CSMD1: variants seen among roughly 807,000 people sequenced by gnomAD.
CSMD1 encodes CUB and sushi domain-containing protein 1.
A neutral mutation model predicts 417.5 loss-of-function variants in CSMD1; 213 were observed. The ratio of observed to expected loss-of-function variants is 0.51; its 90% CI spans 0.46 to 0.57. CSMD1 has a LOEUF of 0.57. Among genes scored for constraint, CSMD1 ranks in the 20% least tolerant of loss-of-function variants. CSMD1 has a pLI of 0.00. For missense variants in CSMD1, 6,923 were observed against 4,529.7 expected, an observed-to-expected ratio of 1.53 and a Z score of -15.17; for synonymous variants, 2,862 against 1,736.8, an observed-to-expected ratio of 1.65 and a Z score of -16.11.
intron 51 of CSMD1, among the ~76,000 whole-genome samples, chr8:3,027,291 T>A (rs1810003329): frequency 6.6e-6 from 1 of 152,178 alleles, no homozygotes; most frequent in Non-Finnish European, 1.5e-5. Context: ...GTGGAATTGG[T>A]TCTCTGATAC....
At chr8:3,925,467 A>G (rs1032324796) in intron 5 of CSMD1, among the ~76,000 whole-genome samples, 1 of 152,198 alleles carries the variant, frequency 6.6e-6, no homozygotes, top group Non-Finnish European at 1.5e-5. Context: ...TCAAAAGATA[A>G]CGTTCATAAT....
chr8:3,303,905 C>A (rs925694013), intron 25 of CSMD1, among the ~76,000 whole-genome samples: 1 of 151,592 alleles, frequency 6.6e-6, no homozygotes, highest in Non-Finnish European at 1.5e-5. Context: ...TTCTTCCAGA[C>A]CCAAGTGCCC....
chr8:4,101,357 T>C (rs532804414), intron 3 of CSMD1, among the ~76,000 whole-genome samples: 17 of 152,222 alleles, frequency 1.1e-4, no homozygotes, highest in African/African-American at 4.1e-4. Flanking sequence ...CCCTAACCAA[T>C]ACCACATTCC....
At position 3,976,469 on chromosome 8, in the gene CSMD1, G is replaced by A. The variant is rs75488204; in HGVS notation, c.818+21434C>T. Among the ~76,000 whole-genome samples the A allele has an allele frequency of 1.7e-3, 252 of 152,226 alleles. 1 individual carries two copies. The highest frequency in any genetic ancestry group is 5.8e-3 in the African/African-American group (239 of 41,542). On this transcript the variant is annotated intron_variant, in intron 5 of 69. Coordinates refer to ENST00000635120, the MANE Select transcript of CSMD1 (RefSeq NM_033225.6). ...GTTTATTAATTCAGCTGTCTCCCGG[G>A]TCTAGAAGTGTGACTAACACATAAC...
At chr8:3,855,686 C>G (rs1804252118) in intron 5 of CSMD1, among the ~76,000 whole-genome samples, 1 of 152,096 alleles carries the variant, frequency 6.6e-6, no homozygotes, top group Non-Finnish European at 1.5e-5. Flanking sequence ...CTGTTATTTA[C>G]CATATAACAG....
intron 3 of CSMD1, among the ~76,000 whole-genome samples, chr8:4,095,067 A>G (rs1800930610): frequency 6.6e-6 from 1 of 152,188 alleles, no homozygotes; most frequent in African/African-American, 2.4e-5. Context: ...TTGGGCTAAC[A>G]AGAGCTTGGA....
At chr8:3,112,023 G>C (rs1328116280) in intron 42 of CSMD1, among the ~76,000 whole-genome samples, 1 of 151,740 alleles carries the variant, frequency 6.6e-6, no homozygotes, top group African/African-American at 2.4e-5. Flanking sequence ...GCTTCCTTAA[G>C]GTCTTTCCTG....
rs114308515 is a variant in CSMD1, at chr8:3,499,404, G to T, written c.1345-5678C>A. Reference sequence around the variant, plus strand: ...TCACATGAGCCATCTCTGCTTCTCAGTGGAATGAGTTTTCTGGCAGTGGTT... The same window carrying T: ...TCACATGAGCCATCTCTGCTTCTCATTGGAATGAGTTTTCTGGCAGTGGTT... On this transcript the variant is annotated intron_variant, in intron 10 of 69. Coordinates refer to ENST00000635120, the MANE Select transcript of CSMD1 (RefSeq NM_033225.6). Among the ~76,000 whole-genome samples, 1,112 of 152,234 alleles carry T rather than the reference G, an allele frequency of 7.3e-3. 17 individuals carry two copies. Among genetic ancestry groups the T allele is most frequent in the African/African-American group, 0.025 (1,045 of 41,536 alleles).
intron 5 of CSMD1, among the ~76,000 whole-genome samples, chr8:3,778,384 G>A (rs1799006141): frequency 6.6e-6 from 1 of 152,148 alleles, no homozygotes; most frequent in South Asian, 2.1e-4. Flanking sequence ...AGAAGACCGG[G>A]GGCAGAAACA....
chr8:4,315,352 C>G (rs1294839920), intron 3 of CSMD1, among the ~76,000 whole-genome samples: 2 of 152,150 alleles, frequency 1.3e-5, no homozygotes. Context: ...CTGTGAGCCC[C>G]AGGTGGCAGG....
chr8:3,563,231 C>T lies in CSMD1; in HGVS notation c.1344+11714G>A, dbSNP rs1799548330. Among the ~76,000 whole-genome samples, 3 of 152,044 alleles carry T rather than the reference C, an allele frequency of 2.0e-5. No individual in the cohort carries two copies. In the South Asian group the frequency reaches 6.2e-4, roughly 32 times the overall value. On this transcript the variant is annotated intron_variant, in intron 10 of 69. Coordinates refer to ENST00000635120, the MANE Select transcript of CSMD1 (RefSeq NM_033225.6). The stretch of plus-strand genomic sequence containing the variant: ...TTCTAATGTCTTCCTTCTAAAGTGA[C>T]ATCTCCGCACAAACCGGGATTTTAG...
At chr8:4,195,529 G>A (rs1169972113) in intron 3 of CSMD1, among the ~76,000 whole-genome samples, 1 of 152,164 alleles carries the variant, frequency 6.6e-6, no homozygotes, top group Non-Finnish European at 1.5e-5. Context: ...GCTCTTGACT[G>A]TGAGAAAGAC....
intron 3 of CSMD1, among the ~76,000 whole-genome samples, chr8:4,248,723 T>G (rs148891811): frequency 2.1e-4 from 32 of 152,270 alleles, no homozygotes; most frequent in African/African-American, 7.7e-4. Context: ...TCTTTTTGGG[T>G]GATCTCTATC....
chr8:4,185,009 G>A (rs1409983273), intron 3 of CSMD1, among the ~76,000 whole-genome samples: 1 of 151,568 alleles, frequency 6.6e-6, no homozygotes, highest in East Asian at 1.9e-4. Flanking sequence ...CCTGGTGGTG[G>A]GTGCCTTTAA....
intron 50 of CSMD1, among the ~76,000 whole-genome samples, chr8:3,043,424 G>C (rs1323457248): frequency 1.3e-5 from 2 of 151,572 alleles, no homozygotes; most frequent in Non-Finnish European, 2.9e-5. Flanking sequence ...GATATGACTA[G>C]ATGGAACTGG....
chr8:4,354,319 C>T (rs1341202361), intron 3 of CSMD1, among the ~76,000 whole-genome samples: 1 of 152,072 alleles, frequency 6.6e-6, no homozygotes. Flanking sequence ...TGAAACATTT[C>T]AACTGTATAA....
chr8:2,965,320 C>T (rs1381102056), intron 59 of CSMD1, among the ~76,000 whole-genome samples: 1 of 152,182 alleles, frequency 6.6e-6, no homozygotes, highest in African/African-American at 2.4e-5. Context: ...CAACCAAACC[C>T]CATGAAACAT....
chr8:3,948,109 G>A (rs887614765), intron 5 of CSMD1, among the ~76,000 whole-genome samples: 1 of 152,126 alleles, frequency 6.6e-6, no homozygotes, highest in South Asian at 2.1e-4. Context: ...CGGAGGATGA[G>A]GCAGGATAAC....
chr8:3,157,182 T>C (rs1411771476), intron 39 of CSMD1, among the ~76,000 whole-genome samples: 1 of 151,898 alleles, frequency 6.6e-6, no homozygotes, highest in East Asian at 1.9e-4. Flanking sequence ...AGGTAAAGGT[T>C]TCTGAGTTGG....
Sources: allele counts gnomAD v4.1 joint callset (sites outside exome capture counted in the v4.1 genomes callset), GRCh38; gene constraint gnomAD v4.1.1; transcripts MANE v1.5; gene names NCBI Gene and HGNC (gene_info 2026-07-23, HGNC 2026-07-21).